CC2D2B: variants seen among roughly 807,000 people sequenced by gnomAD.
CC2D2B encodes protein CC2D2B.
In CC2D2B, 128 loss-of-function variants were observed where a neutral mutation model predicts 161.2. That is an observed-to-expected ratio of 0.79 (90% CI 0.69 to 0.92). The LOEUF (loss-of-function observed/expected upper bound fraction) is 0.92. Among genes scored for constraint, CC2D2B ranks in the 40% least tolerant of loss-of-function variants. The pLI, the probability that CC2D2B is intolerant of heterozygous loss-of-function variation, is 0.00. For synonymous variants in CC2D2B, 391 were observed against 449.8 expected (o/e 0.87, Z 1.65); for missense variants, 1,173 against 1,375.1 (o/e 0.85, Z 2.32).
At chr10:95,909,487 A>G (rs908775897) in intron 1 of CC2D2B, among the ~76,000 whole-genome samples, 4 of 152,270 alleles carry the variant, frequency 2.6e-5, no homozygotes, top group African/African-American at 9.6e-5. Context: ...GAAAGGTGTC[A>G]TCATACTATG....
At chr10:96,023,538 TG>T (rs2079558773) in intron 32 of CC2D2B, among the ~76,000 whole-genome samples, 1 of 152,240 alleles carries the variant, frequency 6.6e-6, no homozygotes, top group South Asian at 2.1e-4. Flanking sequence ...AGGCCTGAAG[TG>T]GCCTAACTAA....
At chr10:96,016,155 C>A in intron 29 of CC2D2B, 46 bp from the exon 30 acceptor site, 1 of 1,297,912 alleles carries the variant, frequency 7.7e-7, no homozygotes, top group Non-Finnish European at 1.1e-6. Context: ...ACTCAACTTT[C>A]CCGCACTTTT....
chr10:96,029,777 T>G (rs1300072488), intron 34 of CC2D2B, among the ~76,000 whole-genome samples: 1 of 151,342 alleles, frequency 6.6e-6, no homozygotes, highest in Non-Finnish European at 1.5e-5. Context: ...ATAGTTACAT[T>G]ATATTGTTTT....
In CC2D2B at chr10:95,981,973, A is replaced by G; in HGVS notation, c.1944-2A>G. The G allele has an allele frequency of 1.6e-6, 2 of 1,221,640 alleles. No individual in the cohort carries two copies. The highest frequency in any genetic ancestry group is 2.0e-6 in the Non-Finnish European group (2 of 978,620). The allele number at this position is 1,221,640 out of a possible 1,614,324, so 75.7% of individuals were successfully genotyped here. On this transcript the variant is annotated splice_acceptor_variant, in intron 17 of 34. Transcript: ENST00000646931. LOFTEE classifies it high-confidence loss of function. ...GTTCACAAAATATTTTCTCTATGTT[A>G]GTATGTTAAGGAATGTAGATGCAAG...
In CC2D2B at chr10:95,918,945, G is replaced by A. The variant is rs935033979; in HGVS notation, c.37-3071G>A. On this transcript the variant is annotated intron_variant, in intron 2 of 34. Transcript: ENST00000646931. ...TTTTTCAATTGATTTTTTCAGCTCC[G>A]GAATTTCTGCTTGATTCTTTTTAAT... 26 of 151,706 alleles carry A rather than the reference G, an allele frequency of 1.7e-4. 1 individual carries two copies. Among genetic ancestry groups the A allele is most frequent in the African/African-American group, 6.1e-4 (25 of 41,278 alleles). 9.4% of individuals were successfully genotyped at this position (151,706 alleles called of 1,614,324 possible). A position where few individuals can be genotyped will look rare whatever the true frequency, so the allele number is the denominator to read the frequency against.
At chr10:95,989,471 C>T (rs1391914293) in intron 20 of CC2D2B, among the ~76,000 whole-genome samples, 1 of 152,188 alleles carries the variant, frequency 6.6e-6, no homozygotes, top group South Asian at 2.1e-4. Flanking sequence ...GCCTCTCTTA[C>T]TTCTTTACTA....
At chr10:95,913,566 A>G in intron 2 of CC2D2B, 1 of 171,696 alleles carries the variant, frequency 5.8e-6, no homozygotes, top group South Asian at 1.1e-4. Context: ...TGGCTGTACT[A>G]ATTTACATTC....
intron 22 of CC2D2B, among the ~76,000 whole-genome samples, chr10:95,993,861 GA>G (rs2078065620): frequency 8.7e-6 from 1 of 115,328 alleles, no homozygotes; most frequent in African/African-American, 3.6e-5. Context: ...TAGAGAGAGA[GA>G]GAGAGAGAGT....
intron 18 of CC2D2B, among the ~76,000 whole-genome samples, chr10:95,982,393 T>G (rs1324196227): frequency 1.3e-5 from 2 of 152,178 alleles, no homozygotes; most frequent in Non-Finnish European, 2.9e-5. Context: ...TGCTAACATC[T>G]ATTGTGCAGT....
At chr10:95,999,981 CA>C (rs1269052195) in intron 24 of CC2D2B, 2 of 839,930 alleles carry the variant, frequency 2.4e-6, no homozygotes, top group Non-Finnish European at 3.7e-6. Context: ...TCAATACACA[CA>C]TTAATTCTCT....
chr10:96,030,933 G>A (rs1220576113), intron 34 of CC2D2B, among the ~76,000 whole-genome samples: 1 of 152,132 alleles, frequency 6.6e-6, no homozygotes, highest in Admixed American at 6.5e-5. Context: ...CTTTGACCTA[G>A]GGCAAGTGAC....
chr10:95,938,839 C>T lies in CC2D2B; in HGVS notation c.715C>T (p.Pro239Ser), dbSNP rs1409702127. 5.6e-6 allele frequency: 4 copies of T among 715,102 alleles called. No individual in the cohort carries two copies. The highest frequency in any genetic ancestry group is 7.8e-6 in the Non-Finnish European group (3 of 384,190). 44.3% of individuals were successfully genotyped at this position (715,102 alleles called of 1,614,324 possible). The change falls in exon 9 of 35, where the codon CCT becomes TCT. Residue 239 changes from proline to serine, a missense_variant. By Grantham distance (74) the Pro-to-Ser change is moderately conservative. Coordinates refer to ENST00000646931, the MANE Select transcript of CC2D2B (RefSeq NM_001349008.3). ...AGAAAGTGGAGAAATAATGTCATTA[C>T]CTACACCTATTAAACAGTCATGGAA... is the stretch of plus-strand genomic sequence containing the variant. ...FGESGEIMSL[P>S]TPIKQSWNFR...
chr10:95,962,205 ATTTGAACAGACAC>A (rs1465085025), intron 12 of CC2D2B, among the ~76,000 whole-genome samples: 2 of 152,166 alleles, frequency 1.3e-5, no homozygotes, highest in African/African-American at 4.8e-5. Flanking sequence ...TGGGGAAATG[ATTTGAACAGACAC>A]TTCACTCAAG....
intron 20 of CC2D2B, among the ~76,000 whole-genome samples, chr10:95,989,370 G>A (rs1056572513): frequency 2.0e-5 from 3 of 152,204 alleles, no homozygotes; most frequent in African/African-American, 7.2e-5. Flanking sequence ...CGTACACCAT[G>A]ACTGTGAGAT....
Position 95,927,241 on chromosome 10 carries a change from C to T in CC2D2B, c.245C>T (p.Ser82Phe). Residue 82 changes from serine (S) to phenylalanine (F), a missense_variant, in exon 6 of 35, where the codon TCT becomes TTT. Ser to Phe is a radical substitution (Grantham distance 155). Around this residue, in one of 3 missense-constraint regions of CC2D2B, gnomAD observed 298 missense variants for 261.2 expected, o/e 1.14. Transcript: ENST00000646931. ...CTAAATACTGGTTTATCATAGTTGT[C>T]TCCACAGACTGAAGTCTCATTGGAT... ...DSEIHQRSKL[S>F]PQTEVSLDES... 6.5e-7 allele frequency: 1 copy of T among 1,533,912 alleles called. No individual in the cohort carries two copies. The highest frequency in any genetic ancestry group is 8.8e-7 in the Non-Finnish European group (1 of 1,131,490).
At chr10:95,948,098 G>T (rs2076284485) in intron 9 of CC2D2B, among the ~76,000 whole-genome samples, 1 of 152,116 alleles carries the variant, frequency 6.6e-6, no homozygotes, top group African/African-American at 2.4e-5. Context: ...ACACAATACT[G>T]AGATAGATTA....
At chr10:95,994,499 G>A (rs1240068579) in intron 22 of CC2D2B, among the ~76,000 whole-genome samples, 1 of 152,208 alleles carries the variant, frequency 6.6e-6, no homozygotes, top group Non-Finnish European at 1.5e-5. Flanking sequence ...CCGGATGACT[G>A]CAGGCAGGCC....
At chr10:96,018,661 T>C (rs566124560) in intron 30 of CC2D2B, 1 of 152,380 alleles carries the variant, frequency 6.6e-6, no homozygotes, top group East Asian at 1.9e-4. Flanking sequence ...GGCTCACAAG[T>C]TGTTTCATCT....
intron 32 of CC2D2B, among the ~76,000 whole-genome samples, chr10:96,021,809 A>G (rs1037320003): frequency 1.3e-5 from 2 of 152,234 alleles, no homozygotes; most frequent in Non-Finnish European, 2.9e-5. Context: ...GAGTACTTCA[A>G]GTCTGTCTGT....
Sources: allele counts gnomAD v4.1 joint callset (sites outside exome capture counted in the v4.1 genomes callset), GRCh38; gene constraint gnomAD v4.1.1; regional missense constraint gnomAD v4.1.1; transcripts MANE v1.5; gene names NCBI Gene and HGNC (gene_info 2026-07-23, HGNC 2026-07-21).